NFIA: variants seen among roughly 807,000 people sequenced by gnomAD.
The protein encoded by NFIA is nuclear factor 1 A-type.
A neutral mutation model predicts 62.8 loss-of-function variants in NFIA; 8 were observed. That is an observed-to-expected ratio of 0.13 (90% confidence interval 0.07 to 0.23). The LOEUF is 0.23. NFIA is among the 10% of genes least tolerant of loss of function. The probability of loss-of-function intolerance (pLI) is 1.00; values close to 1 mark genes in which losing one functional copy is unlikely to be tolerated. For missense variants in NFIA, 410 were observed against 642.1 expected (o/e 0.64, Z 3.91); for synonymous variants, 235 against 238.1 (o/e 0.99, Z 0.12).
chr1:61,236,430 G>A (rs916833630), intron 2 of NFIA, among the ~76,000 whole-genome samples: 4 of 152,060 alleles, frequency 2.6e-5, no homozygotes, highest in East Asian at 3.9e-4. Context: ...TAATTTTTAC[G>A]TTATTTATTT....
At chr1:61,196,145 A>G (rs1570358503) in intron 2 of NFIA, among the ~76,000 whole-genome samples, 1 of 152,266 alleles carries the variant, frequency 6.6e-6, no homozygotes, top group East Asian at 1.9e-4. Context: ...GGTGCTTTAT[A>G]TGTGTTTTAA....
At chr1:61,236,153 A>T (rs1418508732) in intron 2 of NFIA, among the ~76,000 whole-genome samples, 1 of 151,412 alleles carries the variant, frequency 6.6e-6, no homozygotes, top group African/African-American at 2.4e-5. Flanking sequence ...AGAAAAGTCC[A>T]TCTTAAAAAA....
chr1:61,307,740 A>T (rs1659876965), intron 3 of NFIA, among the ~76,000 whole-genome samples: 1 of 152,214 alleles, frequency 6.6e-6, no homozygotes, highest in African/African-American at 2.4e-5. Context: ...GTGACAGCTA[A>T]ACTTTCATGA....
intron 2 of NFIA, among the ~76,000 whole-genome samples, chr1:61,152,139 A>G (rs189310098): frequency 6.6e-6 from 1 of 152,278 alleles, no homozygotes; most frequent in African/African-American, 2.4e-5. Flanking sequence ...GTACAAAGCA[A>G]ATTTATGGTT....
chr1:61,285,606 A>G lies in NFIA; in HGVS notation c.625+8021A>G, dbSNP rs116299586. On this transcript the variant is annotated intron_variant, in intron 3 of 10. Transcript: ENST00000403491. ...TTCAGGTTTTACTCAGCTCCAGGCA[A>G]CTCTTTTCCCCCTGGCATTAGCTTG... Among the ~76,000 whole-genome samples, 434 of 151,814 alleles carry G rather than the reference A, an allele frequency of 2.9e-3. 1 individual carries two copies. The highest frequency in any genetic ancestry group is 0.021 in the East Asian group (110 of 5,164).
intron 2 of NFIA, among the ~76,000 whole-genome samples, chr1:61,191,392 C>G (rs913816163): frequency 6.6e-6 from 1 of 152,008 alleles, no homozygotes; most frequent in African/African-American, 2.4e-5. Flanking sequence ...AAATGCTAAA[C>G]GGGATTTGCT....
chr1:61,387,468 CTTTTTTTTT>C (rs33965994), intron 7 of NFIA, among the ~76,000 whole-genome samples: 9 of 95,488 alleles, frequency 9.4e-5, no homozygotes, highest in African/African-American at 3.3e-4. Context: ...CAAGCACTTT[CTTTTTTTTT>C]TTTTTTTTTT....
At chr1:61,451,385 C>T (rs562458115) in intron 10 of NFIA, among the ~76,000 whole-genome samples, 7 of 152,288 alleles carry the variant, frequency 4.6e-5, no homozygotes, top group South Asian at 2.1e-4. Flanking sequence ...ACCTTAGAGA[C>T]GCCACATCTG....
intron 2 of NFIA, among the ~76,000 whole-genome samples, chr1:61,208,803 A>G (rs1653057197): frequency 6.6e-6 from 1 of 152,196 alleles, no homozygotes; most frequent in African/African-American, 2.4e-5. Flanking sequence ...TGAAAATAAT[A>G]AAGCTTTAAA....
At chr1:61,364,471 A>G (rs1185297473) in intron 6 of NFIA, among the ~76,000 whole-genome samples, 1 of 152,192 alleles carries the variant, frequency 6.6e-6, no homozygotes, top group Non-Finnish European at 1.5e-5. Context: ...GAATACTCTC[A>G]GAATTGGTGT....
intron 9 of NFIA, among the ~76,000 whole-genome samples, chr1:61,419,524 A>G (rs1666507363): frequency 6.6e-6 from 1 of 152,218 alleles, no homozygotes; most frequent in Admixed American, 6.5e-5. Context: ...ACATAAGGTC[A>G]AAGCGTCTCC....
Position 61,082,615 on chromosome 1 carries a change from T to G in NFIA, c.-177T>G. 2 of 1,498,474 alleles carry G rather than the reference T, an allele frequency of 1.3e-6. No individual in the cohort carries two copies. Among genetic ancestry groups the G allele is most frequent in the African/African-American group, 1.4e-5 (1 of 71,774 alleles). 92.8% of individuals were successfully genotyped at this position (1,498,474 alleles called of 1,614,324 possible). A position where few individuals can be genotyped will look rare whatever the true frequency, so the allele number is the denominator to read the frequency against. ...ATAGCGCTGGCTGGCTGGCTGCAGT[T>G]GAGCCGACTTGGAAATGTGAACGCA... is the stretch of plus-strand genomic sequence containing the variant. On this transcript the variant is annotated 5_prime_UTR_variant, in exon 1 of 11. Coordinates refer to ENST00000403491, the MANE Select transcript of NFIA (RefSeq NM_001134673.4).
intron 2 of NFIA, among the ~76,000 whole-genome samples, chr1:61,107,412 A>G (rs781628948): frequency 2.0e-5 from 3 of 151,578 alleles, no homozygotes; most frequent in Non-Finnish European, 3.0e-5. Context: ...TTTAATTTGC[A>G]TTTATAATTT....
At chr1:61,264,653 CAAAAAAAAAA>C (rs1165980251) in intron 2 of NFIA, among the ~76,000 whole-genome samples, 740 of 60,748 alleles carry the variant, frequency 0.012, 4 homozygotes, top group Middle Eastern at 0.017. Context: ...CTCCACCTTA[CAAAAAAAAAA>C]AAAAAAAAAA....
chr1:61,081,732 G>A (rs1646098067), upstream of NFIA: 2 of 725,522 alleles, frequency 2.8e-6, no homozygotes, highest in Non-Finnish European at 4.4e-6. Flanking sequence ...AATCTTCTGT[G>A]GGCACTGATT....
chr1:61,244,847 C>T (rs145290309), intron 2 of NFIA, among the ~76,000 whole-genome samples: 87 of 152,298 alleles, frequency 5.7e-4, no homozygotes, highest in South Asian at 3.5e-3. Flanking sequence ...TAATAGACTT[C>T]AGGGAATTAT....
intron 2 of NFIA, among the ~76,000 whole-genome samples, chr1:61,266,590 G>A (rs1336910935): frequency 6.6e-6 from 1 of 151,934 alleles, no homozygotes; most frequent in Non-Finnish European, 1.5e-5. Flanking sequence ...TAGAGACGGG[G>A]TTTCTCCATA....
chr1:61,169,727 G>GT (rs1024813557), intron 2 of NFIA, among the ~76,000 whole-genome samples: 9 of 151,862 alleles, frequency 5.9e-5, no homozygotes, highest in Non-Finnish European at 1.0e-4. Flanking sequence ...CCTCTTTCTT[G>GT]TTTTTTTTCT....
At chr1:61,305,841 T>A (rs541115224) in intron 3 of NFIA, among the ~76,000 whole-genome samples, 78 of 151,546 alleles carry the variant, frequency 5.1e-4, no homozygotes, top group African/African-American at 1.9e-3. Context: ...TGTCTTCTTT[T>A]GATTTTTTTT....
Sources: allele counts gnomAD v4.1 joint callset (sites outside exome capture counted in the v4.1 genomes callset), GRCh38; gene constraint gnomAD v4.1.1; transcripts MANE v1.5; gene names NCBI Gene and HGNC (gene_info 2026-07-23, HGNC 2026-07-21).